EML4: variants seen among roughly 807,000 people sequenced by gnomAD.
The protein encoded by EML4 is EMAP like 4.
Under a neutral mutation model 129.0 loss-of-function variants are expected in EML4, and 72 were observed. The observed-to-expected ratio is 0.56, with a 90% CI of 0.46 to 0.68. The LOEUF is 0.68. Among genes scored for constraint, EML4 ranks in the 30% least tolerant of loss-of-function variants. The probability of loss-of-function intolerance (pLI) is 0.00; values close to 1 mark genes in which losing one functional copy is unlikely to be tolerated. For missense variants in EML4, 1,363 were observed against 1,190.6 expected, an observed-to-expected ratio of 1.14 and a Z score of -2.13; for synonymous variants, 532 against 405.0, an observed-to-expected ratio of 1.31 and a Z score of -3.77.
chr2:42,279,230 A>G (rs924276907), intron 6 of EML4, among the ~76,000 whole-genome samples: 7 of 152,064 alleles, frequency 4.6e-5, no homozygotes, highest in African/African-American at 1.7e-4. Context: ...CATCTTGGCT[A>G]TTGTGAATAG....
intron 17 of EML4, among the ~76,000 whole-genome samples, 177 bp downstream of exon 17, chr2:42,304,728 T>A (rs548948755): frequency 6.6e-6 from 1 of 152,236 alleles, no homozygotes; most frequent in Non-Finnish European, 1.5e-5. Flanking sequence ...ACCTGCCTTT[T>A]GCGACATGCT....
intron 1 of EML4, among the ~76,000 whole-genome samples, chr2:42,236,441 TG>T (rs1483297972): frequency 6.6e-6 from 1 of 152,226 alleles, no homozygotes; most frequent in Admixed American, 6.5e-5. Context: ...GAACAGAGAC[TG>T]GGAGACTGCC....
At chr2:42,240,076 G>C (rs187757777) in intron 1 of EML4, among the ~76,000 whole-genome samples, 19 of 152,260 alleles carry the variant, frequency 1.2e-4, no homozygotes, top group African/African-American at 4.1e-4. Flanking sequence ...AATGATGAGA[G>C]GGGTTGTTGG....
chr2:42,209,531 G>A (rs1572547472), intron 1 of EML4, among the ~76,000 whole-genome samples: 1 of 152,220 alleles, frequency 6.6e-6, no homozygotes, highest in Middle Eastern at 3.4e-3. Context: ...CCTCATAAAT[G>A]TTTTTCAAAC....
At chr2:42,242,965 A>T (rs1375812597) in intron 1 of EML4, among the ~76,000 whole-genome samples, 3 of 151,968 alleles carry the variant, frequency 2.0e-5, no homozygotes, top group African/African-American at 7.3e-5. Context: ...TTTTGTAGAC[A>T]TGGGTTCTCA....
At chr2:42,317,309 A>G in intron 18 of EML4, 118 bp from the exon 19 acceptor site, 2 of 663,852 alleles carry the variant, frequency 3.0e-6, no homozygotes, top group Non-Finnish European at 5.1e-6. Flanking sequence ...GGATTCATTC[A>G]TTAATTGCCA....
chr2:42,225,718 G>C (rs542941416), intron 1 of EML4, among the ~76,000 whole-genome samples: 1 of 152,174 alleles, frequency 6.6e-6, no homozygotes, highest in Non-Finnish European at 1.5e-5. Context: ...TTCCCTCCCT[G>C]CAGATAGAAG....
At chr2:42,181,879 G>C (rs929536508) in intron 1 of EML4, among the ~76,000 whole-genome samples, 2 of 152,146 alleles carry the variant, frequency 1.3e-5, no homozygotes, top group Non-Finnish European at 2.9e-5. Flanking sequence ...TGCTAGTTGT[G>C]TTCAGTGCTG....
chr2:42,196,311 G>C (rs988512825), intron 1 of EML4, among the ~76,000 whole-genome samples: 2 of 152,174 alleles, frequency 1.3e-5, no homozygotes, highest in Admixed American at 6.5e-5. Flanking sequence ...CTTAATATGT[G>C]CTTAATGATG....
chr2:42,288,517 A>G (rs1324954991), intron 11 of EML4, 195 bp downstream of exon 11: 1 of 337,010 alleles, frequency 3.0e-6, no homozygotes. Context: ...AAAATAGTCA[A>G]GCAACTTGAA....
At position 42,299,198 on chromosome 2, in the gene EML4, G is replaced by C. The variant is rs1668132933; in HGVS notation, c.1490-2043G>C. On this transcript the variant is annotated intron_variant, in intron 13 of 22. Coordinates refer to ENST00000318522, the MANE Select transcript of EML4 (RefSeq NM_019063.5). Reference sequence around the variant, plus strand: ...GCAAGTTCTCCTCCAAATCAAGCAAGCCCTTTCCTGTCTCCCTGCCATATA... The same window carrying C: ...GCAAGTTCTCCTCCAAATCAAGCAACCCCTTTCCTGTCTCCCTGCCATATA... Among the ~76,000 whole-genome samples, 3 of 152,302 alleles carry C rather than the reference G, an allele frequency of 2.0e-5. No individual in the cohort carries two copies. The South Asian group carries it at 6.2e-4, about 32-fold the overall frequency.
Position 42,325,602 on chromosome 2 carries a change from T to TAA in EML4, c.2242+48_2242+49insAA, listed in dbSNP as rs1558614750. On this transcript the variant is annotated intron_variant, in intron 20 of 22. Transcript: ENST00000318522. ...ATATATATATATGCTATGATTATAT[T>TAA]TATATATATATATATATATATATAT... 1,224 of 129,248 alleles carry TAA rather than the reference T, an allele frequency of 9.5e-3. 66 individuals carry two copies. Among genetic ancestry groups the TAA allele is most frequent in the Admixed American group, 0.013 (87 of 6,936 alleles). 8.0% of individuals were successfully genotyped at this position (129,248 alleles called of 1,614,324 possible).
chr2:42,288,377 G>A (rs1667431098), intron 11 of EML4, 55 bp downstream of exon 11: 1 of 928,302 alleles, frequency 1.1e-6, no homozygotes, highest in Non-Finnish European at 1.7e-6. Flanking sequence ...TTGTTTTGCA[G>A]GTATTTGGAA....
At chr2:42,187,049 C>T (rs1371432201) in intron 1 of EML4, among the ~76,000 whole-genome samples, 16 of 15,198 alleles carry the variant, frequency 1.1e-3, no homozygotes, top group Admixed American at 1.6e-3. Context: ...TTTTTTGGAG[C>T]GGGGGGGTGG....
chr2:42,258,871 A>T (rs892450951), intron 3 of EML4, among the ~76,000 whole-genome samples: 1 of 152,252 alleles, frequency 6.6e-6, no homozygotes, highest in African/African-American at 2.4e-5. Flanking sequence ...TGTATATACT[A>T]TGTACATTTA....
intron 1 of EML4, among the ~76,000 whole-genome samples, chr2:42,216,576 A>T (rs1337780844): frequency 6.6e-6 from 1 of 151,898 alleles, no homozygotes; most frequent in South Asian, 2.1e-4. Context: ...ATCATCCACA[A>T]TCCTAGTATG....
At chr2:42,179,252 C>T (rs1037342712) in intron 1 of EML4, among the ~76,000 whole-genome samples, 2 of 132,544 alleles carry the variant, frequency 1.5e-5, no homozygotes, top group Admixed American at 8.5e-5. Flanking sequence ...TTTAAAACGT[C>T]GGGGAGCTGG....
chr2:42,200,761 C>G (rs766786528), intron 1 of EML4, among the ~76,000 whole-genome samples: 1 of 152,106 alleles, frequency 6.6e-6, no homozygotes, highest in Non-Finnish European at 1.5e-5. Flanking sequence ...AGAGTTTTTG[C>G]AGACACTCAT....
intron 1 of EML4, among the ~76,000 whole-genome samples, chr2:42,205,219 A>G (rs1474744186): frequency 2.0e-5 from 3 of 152,180 alleles, no homozygotes; most frequent in Non-Finnish European, 4.4e-5. Context: ...ACCTTGTAGA[A>G]TTTTAGTATA....
Sources: allele counts gnomAD v4.1 joint callset (sites outside exome capture counted in the v4.1 genomes callset), GRCh38; gene constraint gnomAD v4.1.1; transcripts MANE v1.5; gene names NCBI Gene and HGNC (gene_info 2026-07-23, HGNC 2026-07-21).